Variants in PDE5A observed in about 807,000 individuals in gnomAD.
The protein encoded by PDE5A is phosphodiesterase 5A, also known as cGMP-specific 3',5'-cyclic phosphodiesterase.
PDE5A carries 67 observed loss-of-function variants against 110.2 expected under a neutral mutation model. The observed-to-expected ratio is 0.61, with a 90% confidence interval of 0.50 to 0.75. The LOEUF (loss-of-function observed/expected upper bound fraction) is 0.75. Ranked by LOEUF, PDE5A falls within the 30% of genes least tolerant of loss-of-function variation. The probability of loss-of-function intolerance (pLI) is 0.00; values close to 1 mark genes in which losing one functional copy is unlikely to be tolerated. For synonymous variants in PDE5A, 328 were observed against 351.2 expected (o/e 0.93, Z 0.74); for missense variants, 862 against 1,045.1 (o/e 0.82, Z 2.42).
chr4:119,619,843 CT>C (rs1434733010), intron 1 of PDE5A, among the ~76,000 whole-genome samples: 1 of 152,202 alleles, frequency 6.6e-6, no homozygotes, highest in African/African-American at 2.4e-5. Flanking sequence ...CACCTAAAGT[CT>C]TCCTCTTAGA....
chr4:119,532,133 C>T (rs1267619441), intron 11 of PDE5A, among the ~76,000 whole-genome samples: 3 of 152,016 alleles, frequency 2.0e-5, no homozygotes, highest in African/African-American at 7.2e-5. Flanking sequence ...TTCCTTCATG[C>T]TAGATTATAG....
At chr4:119,551,267 C>G (rs2306456) in intron 9 of PDE5A, among the ~76,000 whole-genome samples, 40,019 of 152,062 alleles carry the variant, frequency 0.26, 5,398 homozygotes, top group East Asian at 0.38. Context: ...CCCATTGCCT[C>G]AAGTCCAGTT....
chr4:119,610,093 T>A (rs1160130732), intron 1 of PDE5A, among the ~76,000 whole-genome samples: 1 of 152,192 alleles, frequency 6.6e-6, no homozygotes, highest in Non-Finnish European at 1.5e-5. Context: ...AAACATATAA[T>A]TGTCCTAATG....
intron 3 of PDE5A, among the ~76,000 whole-genome samples, chr4:119,570,433 T>C (rs4513554): frequency 0.98 from 148,747 of 152,258 alleles, 72,754 homozygotes; most frequent in East Asian, 1. Flanking sequence ...CTCTCAGATA[T>C]GGGCACTCCA....
At chr4:119,610,551 G>A (rs895979871) in intron 1 of PDE5A, among the ~76,000 whole-genome samples, 3 of 152,050 alleles carry the variant, frequency 2.0e-5, no homozygotes, top group Admixed American at 1.3e-4. Context: ...AACTCCACGT[G>A]GATATCTAGA....
chr4:119,591,321 A>T (rs768182761), intron 3 of PDE5A, among the ~76,000 whole-genome samples: 1 of 152,222 alleles, frequency 6.6e-6, no homozygotes, highest in Non-Finnish European at 1.5e-5. Flanking sequence ...ACTCACATGA[A>T]TGCATTTAAT....
In PDE5A at chr4:119,494,911, C is replaced by G. The variant is rs1725006187; in HGVS notation, c.*3690G>C. ...GCTTTAATACTTTCTTCTTCACTCT[C>G]TGTAGTAGAGCAGAAGGGGTCCAAA... On this transcript the variant is annotated 3_prime_UTR_variant, in exon 21 of 21. Transcript: ENST00000354960. 2 of 152,526 alleles carry G rather than the reference C, an allele frequency of 1.3e-5. No homozygotes were observed. Among genetic ancestry groups the G allele is most frequent in the Admixed American group, 1.3e-4 (2 of 15,254 alleles). The allele number at this position is 152,526 out of a possible 1,614,324, so 9.4% of individuals were successfully genotyped here.
intron 1 of PDE5A, among the ~76,000 whole-genome samples, chr4:119,608,671 A>C (rs1729627868): frequency 6.6e-6 from 1 of 152,228 alleles, no homozygotes; most frequent in Non-Finnish European, 1.5e-5. Context: ...TACCTTCAAA[A>C]GATAAAAAGT....
At chr4:119,596,742 T>C (rs1729167480) in intron 2 of PDE5A, 130 bp from the exon 3 acceptor site, 2 of 464,884 alleles carry the variant, frequency 4.3e-6, no homozygotes, top group Non-Finnish European at 7.6e-6. Flanking sequence ...ATTTTATTGT[T>C]GTGAAAGGCA....
At chr4:119,563,379 A>G (rs1302320931) in intron 5 of PDE5A, among the ~76,000 whole-genome samples, 1 of 152,198 alleles carries the variant, frequency 6.6e-6, no homozygotes, top group Non-Finnish European at 1.5e-5. Flanking sequence ...TCAGATCAAC[A>G]TTTGTCAACA....
At chr4:119,574,174 A>C in intron 3 of PDE5A, among the ~76,000 whole-genome samples, 1 of 123,538 alleles carries the variant, frequency 8.1e-6, no homozygotes, top group East Asian at 2.6e-4. Context: ...AGTACAAAAT[A>C]TAGGCTTTTT....
Position 119,542,441 on chromosome 4 carries a change from T to G in PDE5A, c.1572+18A>C, listed in dbSNP as rs1229003462. On this transcript the variant is annotated intron_variant, in intron 10 of 20. Transcript: ENST00000354960. Reference sequence around the variant, plus strand: ...GGGTTTGGCTGTACAGTGTGAGAGGTCCCTAAACTTCACCCACCTCCAATG... The same window carrying G: ...GGGTTTGGCTGTACAGTGTGAGAGGGCCCTAAACTTCACCCACCTCCAATG... The G allele has an allele frequency of 2.5e-6, 4 of 1,610,686 alleles. No individual in the cohort carries two copies. The African/African-American group carries it at 5.3e-5, about 22-fold the overall frequency.
intron 10 of PDE5A, among the ~76,000 whole-genome samples, chr4:119,541,447 T>G (rs959431084): frequency 3.9e-5 from 6 of 151,948 alleles, no homozygotes; most frequent in African/African-American, 1.4e-4. Flanking sequence ...TGTGTATATG[T>G]GTACATATAT....
chr4:119,530,278 A>G (rs1726483132), intron 11 of PDE5A, among the ~76,000 whole-genome samples: 1 of 152,134 alleles, frequency 6.6e-6, no homozygotes, highest in Non-Finnish European at 1.5e-5. Flanking sequence ...TTTGGCTCAA[A>G]TAATGGTCTG....
At chr4:119,570,572 A>T (rs933060957) in intron 3 of PDE5A, among the ~76,000 whole-genome samples, 14 of 152,166 alleles carry the variant, frequency 9.2e-5, no homozygotes, top group Middle Eastern at 3.4e-3. Context: ...CCAAGACTTG[A>T]CTCTCACTGG....
chr4:119,515,838 A>G (rs533001940), intron 14 of PDE5A, among the ~76,000 whole-genome samples: 2 of 152,198 alleles, frequency 1.3e-5, no homozygotes, highest in Non-Finnish European at 2.9e-5. Flanking sequence ...TCTAATTTCT[A>G]CCCATTCACC....
chr4:119,551,312 A>G (rs1578767449), intron 9 of PDE5A, among the ~76,000 whole-genome samples: 1 of 152,340 alleles, frequency 6.6e-6, no homozygotes, highest in Admixed American at 6.5e-5. Flanking sequence ...GGCAACCAGT[A>G]TATTTGAGAG....
chr4:119,518,946 G>A (rs1726013202), intron 14 of PDE5A, 99 bp downstream of exon 14: 1 of 715,924 alleles, frequency 1.4e-6, no homozygotes, highest in African/African-American at 1.8e-5. Flanking sequence ...AGTATGTTAT[G>A]GGACCTTGAC....
intron 2 of PDE5A, among the ~76,000 whole-genome samples, chr4:119,600,451 T>C (rs1421641835): frequency 1.3e-5 from 2 of 152,118 alleles, no homozygotes; most frequent in Non-Finnish European, 2.9e-5. Context: ...TGCCTTAATC[T>C]TGGTTTCTTA....
Sources: gnomAD v4.1 joint callset for allele counts (sites outside exome capture counted in the v4.1 genomes callset) on GRCh38, gnomAD v4.1.1 for gene constraint, MANE v1.5 for transcripts, NCBI Gene and HGNC (gene_info 2026-07-23, HGNC 2026-07-21) for gene names.